Variants in GUCY1A2 observed in about 807,000 individuals in gnomAD.
GUCY1A2 encodes guanylate cyclase soluble subunit alpha-2.
Under a neutral mutation model 63.5 loss-of-function variants are expected in GUCY1A2, and 27 were observed. The observed-to-expected ratio is 0.43, with a 90% confidence interval of 0.31 to 0.59. GUCY1A2 has a LOEUF of 0.59. GUCY1A2 is among the 20% of genes least tolerant of loss of function. The probability of loss-of-function intolerance (pLI) is 0.11; values close to 1 mark genes in which losing one functional copy is unlikely to be tolerated. For missense variants in GUCY1A2, 768 were observed against 913.3 expected, an observed-to-expected ratio of 0.84 and a Z score of 2.05; for synonymous variants, 364 against 343.5, an observed-to-expected ratio of 1.06 and a Z score of -0.66.
intron 4 of GUCY1A2, among the ~76,000 whole-genome samples, chr11:106,921,774 C>T (rs1415163803): frequency 1.3e-5 from 2 of 152,118 alleles, no homozygotes; most frequent in Non-Finnish European, 2.9e-5. Context: ...AAAAAACAAA[C>T]AAACCCCTTC....
chr11:106,754,906 A>T (rs1162414247), intron 6 of GUCY1A2, among the ~76,000 whole-genome samples: 1 of 151,982 alleles, frequency 6.6e-6, no homozygotes, highest in Non-Finnish European at 1.5e-5. Context: ...TTTTCTATTG[A>T]TTGGAATAGT....
chr11:106,895,584 T>C (rs1860036137), intron 4 of GUCY1A2, among the ~76,000 whole-genome samples: 1 of 152,180 alleles, frequency 6.6e-6, no homozygotes, highest in African/African-American at 2.4e-5. Context: ...AGCTGCCATG[T>C]AAGACATACC....
chr11:107,006,734 A>C (rs1861676427), intron 1 of GUCY1A2, among the ~76,000 whole-genome samples: 1 of 152,222 alleles, frequency 6.6e-6, no homozygotes, highest in African/African-American at 2.4e-5. Flanking sequence ...CCACACCAGG[A>C]TGTTCACACA....
At chr11:106,711,337 G>T (rs1863115206) in intron 6 of GUCY1A2, among the ~76,000 whole-genome samples, 1 of 152,160 alleles carries the variant, frequency 6.6e-6, no homozygotes, top group Non-Finnish European at 1.5e-5. Flanking sequence ...GTAAATTAAA[G>T]ATCTTGATGT....
intron 1 of GUCY1A2, among the ~76,000 whole-genome samples, chr11:106,990,599 G>A (rs1861458432): frequency 6.6e-6 from 1 of 152,262 alleles, no homozygotes; most frequent in Non-Finnish European, 1.5e-5. Context: ...GTGTGTGTGT[G>A]TGCGCGCACG....
chr11:106,724,497 G>A (rs1282749019), intron 6 of GUCY1A2, among the ~76,000 whole-genome samples: 4 of 152,094 alleles, frequency 2.6e-5, no homozygotes, highest in African/African-American at 9.7e-5. Flanking sequence ...CCTTTATCCT[G>A]TTTACACAGG....
At chr11:106,793,819 T>G (rs111863482) in intron 5 of GUCY1A2, among the ~76,000 whole-genome samples, 1 of 152,074 alleles carries the variant, frequency 6.6e-6, no homozygotes, top group South Asian at 2.1e-4. Context: ...TCACACCTGT[T>G]AGAATGATGA....
chr11:106,691,514 C>G (rs186644496), intron 7 of GUCY1A2, among the ~76,000 whole-genome samples: 1 of 152,242 alleles, frequency 6.6e-6, no homozygotes, highest in East Asian at 1.9e-4. Context: ...CTTTGTTTTG[C>G]TATAATTGAG....
chr11:106,853,028 TC>T (rs1029637665), intron 4 of GUCY1A2, among the ~76,000 whole-genome samples: 1 of 152,182 alleles, frequency 6.6e-6, no homozygotes, highest in African/African-American at 2.4e-5. Context: ...TGATATGGCT[TC>T]CCTTACATGT....
At chr11:106,717,128 T>G (rs1434751234) in intron 6 of GUCY1A2, among the ~76,000 whole-genome samples, 1 of 152,242 alleles carries the variant, frequency 6.6e-6, no homozygotes, top group Non-Finnish European at 1.5e-5. Context: ...TTCCTTTAAT[T>G]GTTTATGCCA....
intron 7 of GUCY1A2, 37 bp from the exon 8 acceptor site, chr11:106,687,793 C>A (rs2135333129): frequency 2.2e-6 from 3 of 1,394,210 alleles, no homozygotes; most frequent in African/African-American, 1.4e-5. Flanking sequence ...ATCAAGTAGG[C>A]CAGGGAAATG....
At chr11:106,951,221 T>C (rs1446312727) in intron 3 of GUCY1A2, among the ~76,000 whole-genome samples, 1 of 152,234 alleles carries the variant, frequency 6.6e-6, no homozygotes, top group Non-Finnish European at 1.5e-5. Context: ...TGTGTCTTTA[T>C]AGTAGAATCA....
At chr11:106,769,933 T>C (rs1864227299) in intron 6 of GUCY1A2, among the ~76,000 whole-genome samples, 1 of 152,086 alleles carries the variant, frequency 6.6e-6, no homozygotes, top group Non-Finnish European at 1.5e-5. Flanking sequence ...CAAAGAATCT[T>C]AGAAAATTAA....
chr11:106,978,023 C>T (rs921180269), intron 3 of GUCY1A2, among the ~76,000 whole-genome samples: 6 of 152,250 alleles, frequency 3.9e-5, no homozygotes, highest in South Asian at 2.1e-4. Context: ...TGGTAGCTTA[C>T]GGCTGTATAA....
Position 106,940,031 on chromosome 11 carries a change from G to T in GUCY1A2, c.635C>A (p.Thr212Asn), listed in dbSNP as rs1860732272. 1.2e-6 allele frequency: 2 copies of T among 1,613,938 alleles called. No homozygotes were observed. The highest frequency in any genetic ancestry group is 2.2e-5 in the South Asian group (2 of 91,078). ...CAGAGTGGCCTGTTTTCCAAAAGAA[G>T]TTCTAATGTGTTCCAACAAAGCATC... ...GFDALLEHIR[T>N]SFGKQATLES... The change falls in exon 4 of 8, where the codon ACT (threonine) becomes AAT (asparagine). Residue 212 changes from threonine (T) to asparagine (N), a missense_variant. By Grantham distance (65) the Thr-to-Asn change is moderately conservative (BLOSUM62 0). Around this residue, in one of 3 missense-constraint regions of GUCY1A2, gnomAD observed 496 missense variants for 486.9 expected, o/e 1.02. Coordinates refer to ENST00000526355, the MANE Select transcript of GUCY1A2 (RefSeq NM_000855.3).
chr11:106,958,710 A>G (rs1181684189), intron 3 of GUCY1A2, among the ~76,000 whole-genome samples: 21 of 152,202 alleles, frequency 1.4e-4, no homozygotes, highest in Non-Finnish European at 5.9e-5. Flanking sequence ...AAAGCAGTTG[A>G]GAAATAGGAA....
intron 6 of GUCY1A2, among the ~76,000 whole-genome samples, chr11:106,731,935 G>C (rs1863513049): frequency 6.6e-6 from 1 of 152,098 alleles, no homozygotes; most frequent in African/African-American, 2.4e-5. Context: ...TATGTTCATG[G>C]ATAGGAAAAA....
intron 5 of GUCY1A2, among the ~76,000 whole-genome samples, chr11:106,800,145 C>T (rs1346540118): frequency 1.3e-5 from 2 of 152,184 alleles, no homozygotes; most frequent in African/African-American, 4.8e-5. Flanking sequence ...AAATGCTTAT[C>T]ATCACTGGCC....
chr11:106,789,564 G>C (rs1864622612), intron 5 of GUCY1A2, among the ~76,000 whole-genome samples: 1 of 152,152 alleles, frequency 6.6e-6, no homozygotes. Context: ...ACTTGTGTCT[G>C]TGCATGAAGA....
Sources: allele counts gnomAD v4.1 joint callset (sites outside exome capture counted in the v4.1 genomes callset), GRCh38; gene constraint gnomAD v4.1.1; regional missense constraint gnomAD v4.1.1; transcripts MANE v1.5; gene names NCBI Gene and HGNC (gene_info 2026-07-23, HGNC 2026-07-21).